The following GMCL1 variants were observed in gnomAD, a reference collection of about 807,000 sequenced individuals.
The protein encoded by GMCL1 is germ cell-less 1, spermatogenesis associated.
Under a neutral mutation model 75.5 loss-of-function variants are expected in GMCL1, and 54 were observed. The observed-to-expected ratio is 0.71, with a 90% CI of 0.57 to 0.90. The LOEUF (loss-of-function observed/expected upper bound fraction) is 0.90. Ranked by LOEUF, GMCL1 falls within the 40% of genes least tolerant of loss-of-function variation. The pLI is 0.00. For missense variants in GMCL1, 537 were observed against 622.7 expected, an observed-to-expected ratio of 0.86 and a Z score of 1.47; for synonymous variants, 210 against 209.6, an observed-to-expected ratio of 1.00 and a Z score of -0.02.
intron 1 of GMCL1, among the ~76,000 whole-genome samples, chr2:69,836,399 A>C (rs965956772): frequency 1.3e-5 from 2 of 152,202 alleles, no homozygotes; most frequent in African/African-American, 4.8e-5. Context: ...TTCTGCCGTC[A>C]GGAACTGGAA....
intron 13 of GMCL1, among the ~76,000 whole-genome samples, chr2:69,877,764 C>G (rs1410955375): frequency 6.6e-6 from 1 of 151,512 alleles, no homozygotes; most frequent in Admixed American, 6.6e-5. Context: ...CTTCTTTATT[C>G]AAATTTATCT....
At chr2:69,863,515 G>A (rs946216801) in intron 10 of GMCL1, among the ~76,000 whole-genome samples, 2 of 152,164 alleles carry the variant, frequency 1.3e-5, no homozygotes, top group African/African-American at 4.8e-5. Context: ...ATAAAACTGT[G>A]TCACTTCTCT....
intron 9 of GMCL1, 113 bp downstream of exon 9, chr2:69,855,073 A>G (rs1320507441): frequency 2.2e-5 from 18 of 803,682 alleles, no homozygotes; most frequent in African/African-American, 5.4e-5. Flanking sequence ...CCAAAAAGGT[A>G]TACATCTTTA....
rs748420207 is a variant in GMCL1, at chr2:69,839,570, T to C, written c.481+17T>C. 2 of 1,327,648 alleles carry C rather than the reference T, an allele frequency of 1.5e-6. No individual in the cohort carries two copies. Among genetic ancestry groups the C allele is most frequent in the South Asian group, 1.2e-5 (1 of 83,506 alleles). 82.2% of individuals were successfully genotyped at this position (1,327,648 alleles called of 1,614,324 possible). A position where few individuals can be genotyped will look rare whatever the true frequency, so the allele number is the denominator to read the frequency against. On this transcript the variant is annotated intron_variant, in intron 3 of 13. Transcript: ENST00000282570. ...ATGTAGAAGGTAACTACCACAATAA[T>C]TACTATTATGCAACAATCGTAAAAA...
At chr2:69,877,429 A>G (rs1411708577) in intron 13 of GMCL1, among the ~76,000 whole-genome samples, 1 of 152,204 alleles carries the variant, frequency 6.6e-6, no homozygotes, top group Non-Finnish European at 1.5e-5. Flanking sequence ...AGAGCCTTTT[A>G]GTTATGGAAC....
In GMCL1 at chr2:69,830,111, G is replaced by A; in HGVS notation, c.219G>A (p.Glu73=). Residue 73 remains glutamate, a synonymous_variant, in exon 1 of 14, where the codon GAG becomes GAA. Coordinates refer to ENST00000282570, the MANE Select transcript of GMCL1 (RefSeq NM_178439.5). ...HPDSETDEDE[E]EGDEQQRLLN... is the part of the protein sequence containing the mutation. ...ACTCGGAGACGGACGAGGATGAGGA[G>A]GAGGGGGACGAGCAGCAGCGGCTCC... 1 of 1,578,910 alleles carries A rather than the reference G, an allele frequency of 6.3e-7. No homozygotes were observed. The highest frequency in any genetic ancestry group is 8.6e-7 in the Non-Finnish European group (1 of 1,161,940).
chr2:69,848,123 G>A (rs990161585), intron 7 of GMCL1, among the ~76,000 whole-genome samples: 1 of 152,162 alleles, frequency 6.6e-6, no homozygotes, highest in Non-Finnish European at 1.5e-5. Flanking sequence ...ACACAGATCA[G>A]CCATTATTCT....
Position 69,880,472 on chromosome 2 carries a change from C to T in GMCL1, c.*1468C>T, listed in dbSNP as rs1480286297. 1 of 152,004 alleles carries T rather than the reference C, an allele frequency of 6.6e-6. No individual in the cohort carries two copies. The highest frequency in any genetic ancestry group is 1.5e-5 in the Non-Finnish European group (1 of 68,016). The allele number at this position is 152,004 out of a possible 1,614,324, so 9.4% of individuals were successfully genotyped here. On this transcript the variant is annotated 3_prime_UTR_variant, in exon 14 of 14. Coordinates refer to ENST00000282570, the MANE Select transcript of GMCL1 (RefSeq NM_178439.5). ...TAACTTAAAGGAACCTTTTAAATGCCTCACCCTTGACCCTCAGAGCTGGAA... is the reference window on the plus strand; with the variant it reads ...TAACTTAAAGGAACCTTTTAAATGCTTCACCCTTGACCCTCAGAGCTGGAA...
intron 1 of GMCL1, 115 bp from the exon 2 acceptor site, chr2:69,837,432 G>A (rs1179951588): frequency 3.5e-6 from 3 of 845,146 alleles, no homozygotes; most frequent in Non-Finnish European, 3.5e-6. Flanking sequence ...TACACAATAG[G>A]TAAGTTGACT....
intron 12 of GMCL1, 94 bp from the exon 13 acceptor site, chr2:69,871,651 C>T (rs1259607510): frequency 1.2e-5 from 8 of 648,604 alleles, no homozygotes; most frequent in Non-Finnish European, 2.0e-5. Context: ...AAATAAAAAA[C>T]AGAGGAAAAA....
At chr2:69,875,344 A>G (rs1405861182) in intron 13 of GMCL1, among the ~76,000 whole-genome samples, 3 of 152,186 alleles carry the variant, frequency 2.0e-5, no homozygotes, top group Non-Finnish European at 4.4e-5. Context: ...TGTTATGAAG[A>G]CAAGGCATTG....
intron 13 of GMCL1, among the ~76,000 whole-genome samples, chr2:69,874,373 G>C (rs1676065268): frequency 6.6e-6 from 1 of 151,936 alleles, no homozygotes; most frequent in South Asian, 2.1e-4. Flanking sequence ...CTTTTTGTTT[G>C]TTTGTTTTGA....
At chr2:69,851,905 T>C (rs753598362) in intron 8 of GMCL1, among the ~76,000 whole-genome samples, 4 of 152,256 alleles carry the variant, frequency 2.6e-5, no homozygotes, top group Non-Finnish European at 5.9e-5. Flanking sequence ...AAATTAATTT[T>C]CTATAAAGTT....
chr2:69,857,226 A>G (rs1675497695), intron 9 of GMCL1, among the ~76,000 whole-genome samples: 1 of 152,074 alleles, frequency 6.6e-6, no homozygotes, highest in African/African-American at 2.4e-5. Flanking sequence ...GGATTTCATG[A>G]TAGATCATGT....
chr2:69,854,765 C>T (rs1432180681), intron 8 of GMCL1, 58 bp from the exon 9 acceptor site: 6 of 1,470,124 alleles, frequency 4.1e-6, no homozygotes, highest in Non-Finnish European at 4.7e-6. Context: ...TCCACAAAAA[C>T]ATTTAAGAAT....
At chr2:69,838,117 A>G (rs1256957644) in intron 2 of GMCL1, among the ~76,000 whole-genome samples, 1 of 152,086 alleles carries the variant, frequency 6.6e-6, no homozygotes, top group Non-Finnish European at 1.5e-5. Flanking sequence ...ACCAAAAAGT[A>G]TATAGACTAA....
intron 10 of GMCL1, among the ~76,000 whole-genome samples, chr2:69,862,383 C>T (rs1675679902): frequency 6.6e-6 from 1 of 152,022 alleles, no homozygotes; most frequent in African/African-American, 2.4e-5. Flanking sequence ...TTTTTATTAT[C>T]CAGGATCCTA....
At chr2:69,867,822 T>G (rs1291259424) in intron 11 of GMCL1, among the ~76,000 whole-genome samples, 1 of 152,192 alleles carries the variant, frequency 6.6e-6, no homozygotes, top group Non-Finnish European at 1.5e-5. Context: ...CATCATGATC[T>G]GTCTGCATTT....
rs1196958525 is a variant in GMCL1 at position 69,843,053 on chromosome 2, T to C, written c.580-96T>C. The stretch of plus-strand genomic sequence containing the variant: ...TGAGTTTTCTTTCTTTTCTTTCTTC[T>C]TTTTTTTTTTCTTTTACTTTTTAAT... On this transcript the variant is annotated intron_variant, in intron 4 of 13. Transcript: ENST00000282570. 7.5e-5 allele frequency: 18 copies of C among 240,586 alleles called. 1 individual carries two copies. The highest frequency in any genetic ancestry group is 6.5e-6 in the Non-Finnish European group (1 of 153,004). The allele number at this position is 240,586 out of a possible 1,614,324, so 14.9% of individuals were successfully genotyped here.
Sources: allele counts gnomAD v4.1 joint callset (sites outside exome capture counted in the v4.1 genomes callset), GRCh38; gene constraint gnomAD v4.1.1; transcripts MANE v1.5; gene names NCBI Gene and HGNC (gene_info 2026-07-23, HGNC 2026-07-21).